The following P3H2 variants were observed in gnomAD, a reference collection of about 807,000 sequenced individuals.
P3H2 encodes the protein prolyl 3-hydroxylase 2, also known as leprecan-like 1.
P3H2 carries 80 observed loss-of-function variants against 87.0 expected under a neutral mutation model. The ratio of observed to expected loss-of-function variants is 0.92; its 90% CI spans 0.77 to 1.11. The LOEUF is 1.11. Among genes scored for constraint, P3H2 ranks in the 50% least tolerant of loss-of-function variants. The pLI is 0.00. For missense variants in P3H2, 1,001 were observed against 923.9 expected (o/e 1.08, Z -1.08); for synonymous variants, 367 against 359.3 (o/e 1.02, Z -0.24).
rs763507770 is a variant in P3H2 at position 189,970,900 on chromosome 3, A to G, written c.1818-9T>C. The stretch of plus-strand genomic sequence containing the variant: ...TCATATATAGGAGAGCACTATAAGA[A>G]TGAAGAGAAAACTATTTGTATTATT... On this transcript the variant is annotated splice_polypyrimidine_tract_variant and intron_variant, in intron 12 of 14. Coordinates refer to ENST00000319332, the MANE Select transcript of P3H2 (RefSeq NM_018192.4). 35 of 1,454,922 alleles carry G rather than the reference A, an allele frequency of 2.4e-5. No individual in the cohort carries two copies. The South Asian group carries it at 4.0e-4, about 17-fold the overall frequency. 90.1% of individuals were successfully genotyped at this position (1,454,922 alleles called of 1,614,324 possible).
intron 4 of P3H2, among the ~76,000 whole-genome samples, chr3:189,988,130 A>T (rs1723763004): frequency 6.6e-6 from 1 of 152,186 alleles, no homozygotes; most frequent in Non-Finnish European, 1.5e-5. Flanking sequence ...GTAAACTGGT[A>T]CTTCAATGCA....
At chr3:190,087,332 C>G (rs6444416) in intron 1 of P3H2, among the ~76,000 whole-genome samples, 6,025 of 151,652 alleles carry the variant, frequency 0.04, 176 homozygotes, top group Non-Finnish European at 0.062. Flanking sequence ...GTCAGGAGAT[C>G]GAGACCATCC....
intron 1 of P3H2, among the ~76,000 whole-genome samples, chr3:190,045,296 G>T (rs1032759328): frequency 6.6e-6 from 1 of 152,202 alleles, no homozygotes; most frequent in African/African-American, 2.4e-5. Context: ...TAATGCAATT[G>T]TGTGGTACAC....
intron 1 of P3H2, among the ~76,000 whole-genome samples, chr3:190,020,146 C>T (rs114720760): frequency 0.021 from 2,826 of 132,652 alleles, 463 homozygotes; most frequent in African/African-American, 0.071. Flanking sequence ...GTGGTGGCTG[C>T]CACCTTCAGA....
intron 4 of P3H2, 148 bp downstream of exon 4, chr3:189,988,759 C>T (rs1723784625): frequency 9.9e-7 from 1 of 1,005,652 alleles, no homozygotes; most frequent in Non-Finnish European, 1.6e-6. Flanking sequence ...CTCTTCTTGT[C>T]CTGCAGCTCA....
At chr3:190,112,446 T>C (rs1384150445) in intron 1 of P3H2, among the ~76,000 whole-genome samples, 3 of 152,218 alleles carry the variant, frequency 2.0e-5, no homozygotes, top group Non-Finnish European at 4.4e-5. Context: ...TAGATATCTA[T>C]GACGGTTTAT....
intron 1 of P3H2, among the ~76,000 whole-genome samples, chr3:190,055,538 CT>C (rs1560381520): frequency 8.5e-5 from 4 of 46,888 alleles, no homozygotes; most frequent in African/African-American, 7.2e-4. Flanking sequence ...TTTTTTTTTT[CT>C]CCTTTCTCTC....
chr3:189,974,237 T>C, intron 9 of P3H2: 1 of 594,464 alleles, frequency 1.7e-6, no homozygotes, highest in East Asian at 2.8e-5. Flanking sequence ...ATAAAAAGAA[T>C]GTAAATTATT....
intron 1 of P3H2, among the ~76,000 whole-genome samples, chr3:190,023,625 C>T (rs562717955): frequency 1.1e-3 from 172 of 152,110 alleles, no homozygotes; most frequent in Non-Finnish European, 2.0e-3. Flanking sequence ...TTGACATGGG[C>T]GGCGGGGATT....
chr3:190,120,424 G>T lies in P3H2; in HGVS notation c.308C>A (p.Pro103His). 1.4e-6 allele frequency: 2 copies of T among 1,472,550 alleles called. No individual in the cohort carries two copies. The highest frequency in any genetic ancestry group is 2.7e-5 in the South Asian group (2 of 74,604). 91.2% of individuals were successfully genotyped at this position (1,472,550 alleles called of 1,614,324 possible). The change falls in exon 1 of 15, where the codon CCC becomes CAC. Residue 103 changes from proline (P) to histidine (H), a missense_variant. Physicochemically the swap from Pro to His is moderately conservative, Grantham distance 77 (BLOSUM62 -2). Coordinates refer to ENST00000319332, the MANE Select transcript of P3H2 (RefSeq NM_018192.4). ...GCGGAAAAGGGGCAGCTCAGCGCCG[G>T]GGCCCTCGCCGGGGGGCGGGGGCGG... ...PLPPPPPGEG[P>H]GAELPLFRSL...
At chr3:190,121,196 C>G (rs931648654), upstream of P3H2, 3 of 155,738 alleles carry the variant, frequency 1.9e-5, no homozygotes, top group African/African-American at 7.2e-5. Context: ...TCTGGAATCT[C>G]TGTATGGCCT....
chr3:190,104,040 C>T (rs1711736698), intron 1 of P3H2, among the ~76,000 whole-genome samples: 1 of 152,078 alleles, frequency 6.6e-6, no homozygotes, highest in Non-Finnish European at 1.5e-5. Context: ...GATCTGCCAG[C>T]CTCGGCTTCC....
At position 190,105,593 on chromosome 3, in the gene P3H2, A is replaced by C. The variant is rs78795642; in HGVS notation, c.480+14659T>G. ...CTTTAAAGGGATTCACTGCCCCAAG[A>C]TGAGGACCAGCATTAGATACACTGG... On this transcript the variant is annotated intron_variant, in intron 1 of 14. Transcript: ENST00000319332. Among the ~76,000 whole-genome samples the C allele has an allele frequency of 6.5e-3, 987 of 152,282 alleles. 9 individuals are homozygous for C. The highest frequency in any genetic ancestry group is 9.2e-3 in the Non-Finnish European group (627 of 68,022).
chr3:190,056,753 T>C (rs559620909), intron 1 of P3H2, among the ~76,000 whole-genome samples: 5 of 152,308 alleles, frequency 3.3e-5, no homozygotes, highest in African/African-American at 1.2e-4. Flanking sequence ...GCCTTAAACA[T>C]GCCAGCGGTC....
At chr3:189,995,197 T>C (rs1043952337) in intron 2 of P3H2, 93 bp downstream of exon 2, 1 of 1,153,796 alleles carries the variant, frequency 8.7e-7, no homozygotes, top group East Asian at 2.4e-5. Context: ...ATAAACTTTA[T>C]GAGATATTCA....
At chr3:190,070,492 C>T (rs1424026538) in intron 1 of P3H2, among the ~76,000 whole-genome samples, 2 of 152,070 alleles carry the variant, frequency 1.3e-5, no homozygotes, top group Admixed American at 6.6e-5. Context: ...TGAGGGTATC[C>T]AGGGTCATCT....
At chr3:190,006,039 T>A (rs1457301503) in intron 1 of P3H2, among the ~76,000 whole-genome samples, 1 of 152,170 alleles carries the variant, frequency 6.6e-6, no homozygotes, top group Non-Finnish European at 1.5e-5. Flanking sequence ...TATATCCAGG[T>A]TAAATATAAA....
chr3:189,965,667 G>C (rs1387066233), intron 13 of P3H2, among the ~76,000 whole-genome samples: 1 of 152,152 alleles, frequency 6.6e-6, no homozygotes, highest in South Asian at 2.1e-4. Context: ...ATAAGTGAAA[G>C]GTAAAACCTG....
At chr3:190,016,196 CAT>C (rs1280255504) in intron 1 of P3H2, among the ~76,000 whole-genome samples, 1 of 152,154 alleles carries the variant, frequency 6.6e-6, no homozygotes. Context: ...TTAATTGCCT[CAT>C]GTGTATAATG....
Sources: allele counts gnomAD v4.1 joint callset (sites outside exome capture counted in the v4.1 genomes callset), GRCh38; gene constraint gnomAD v4.1.1; transcripts MANE v1.5; gene names NCBI Gene and HGNC (gene_info 2026-07-23, HGNC 2026-07-21).